The following ATF7IP2 variants were observed in gnomAD, a reference collection of about 807,000 sequenced individuals.
ATF7IP2 encodes activating transcription factor 7-interacting protein 2.
In ATF7IP2, 42 loss-of-function variants were observed where a neutral mutation model predicts 64.2. The observed-to-expected ratio is 0.65, with a 90% CI of 0.51 to 0.85. The LOEUF (loss-of-function observed/expected upper bound fraction) is 0.85, where lower values mean the gene tolerates loss of function less well. Ranked by LOEUF, ATF7IP2 falls within the 40% of genes least tolerant of loss-of-function variation. The probability of loss-of-function intolerance (pLI) is 0.00; values close to 1 mark genes in which losing one functional copy is unlikely to be tolerated. For synonymous variants in ATF7IP2, 308 were observed against 272.8 expected (o/e 1.13, Z -1.27); for missense variants, 933 against 784.2 (o/e 1.19, Z -2.27).
chr16:10,400,903 C>T (rs1387614240), intron 1 of ATF7IP2, among the ~76,000 whole-genome samples: 4 of 152,034 alleles, frequency 2.6e-5, no homozygotes, highest in African/African-American at 9.7e-5. Context: ...AGGCTGGTCT[C>T]GAACTCTTAA....
At chr16:10,475,562 G>A (rs1185773791) in intron 12 of ATF7IP2, among the ~76,000 whole-genome samples, 8 of 151,144 alleles carry the variant, frequency 5.3e-5, no homozygotes, top group African/African-American at 9.7e-5. Flanking sequence ...GTGTGGTGGC[G>A]GGCACCTGTA....
At chr16:10,401,879 T>C (rs962651996) in intron 1 of ATF7IP2, among the ~76,000 whole-genome samples, 2 of 152,038 alleles carry the variant, frequency 1.3e-5, no homozygotes, top group Non-Finnish European at 1.5e-5. Flanking sequence ...TCCCATAGGG[T>C]TTCCTGTTTG....
intron 1 of ATF7IP2, among the ~76,000 whole-genome samples, chr16:10,401,292 C>G (rs565011508): frequency 2.0e-5 from 3 of 151,918 alleles, no homozygotes; most frequent in Admixed American, 6.6e-5. Flanking sequence ...CCCAGCATCC[C>G]GAGTACCTGG....
At chr16:10,431,990 A>ATTTT (rs34029007) in intron 5 of ATF7IP2, among the ~76,000 whole-genome samples, 1 of 111,604 alleles carries the variant, frequency 9.0e-6, no homozygotes, top group African/African-American at 3.6e-5. Flanking sequence ...CGCCCGGCTA[A>ATTTT]TTTTTTTTTT....
At chr16:10,422,899 C>T (rs1205976129) in intron 3 of ATF7IP2, among the ~76,000 whole-genome samples, 1 of 152,186 alleles carries the variant, frequency 6.6e-6, no homozygotes, top group Non-Finnish European at 1.5e-5. Flanking sequence ...ATTTGAATTT[C>T]CCCATTGTAA....
In ATF7IP2 at chr16:10,430,707, G is replaced by A. The variant is rs138453051; in HGVS notation, c.87G>A (p.Leu29=). The A allele has an allele frequency of 1.5e-4, 248 of 1,614,130 alleles. 2 individuals carry two copies. The African/African-American group carries it at 2.9e-3, about 19-fold the overall frequency. ...GTTGCCGGAAGCAAGTAGAGATGCTGAATAAGTCAAGGAATGTTGAAGCGC... is the reference window on the plus strand; with the variant it reads ...GTTGCCGGAAGCAAGTAGAGATGCTAAATAAGTCAAGGAATGTTGAAGCGC... ...PLSCRKQVEM[L]NKSRNVEALK... Residue 29 remains leucine (L), a synonymous_variant, in exon 5 of 14, where the codon CTG becomes CTA. Coordinates refer to ENST00000562102, the MANE Select transcript of ATF7IP2 (RefSeq NM_001393719.1).
intron 12 of ATF7IP2, among the ~76,000 whole-genome samples, chr16:10,477,806 C>G (rs957524738): frequency 1.3e-5 from 2 of 152,178 alleles, no homozygotes; most frequent in African/African-American, 2.4e-5. Flanking sequence ...TCAGCAAAGT[C>G]TCAGGATACA....
At chr16:10,413,238 G>A (rs1173079029) in intron 1 of ATF7IP2, among the ~76,000 whole-genome samples, 1 of 152,100 alleles carries the variant, frequency 6.6e-6, no homozygotes, top group Non-Finnish European at 1.5e-5. Flanking sequence ...TCTATGTGTT[G>A]TGGGAGGGAC....
In ATF7IP2 at chr16:10,464,878, G is replaced by A. The variant is rs188378120; in HGVS notation, c.1353-7232G>A. Among the ~76,000 whole-genome samples the A allele has an allele frequency of 5.6e-4, 86 of 152,338 alleles. 1 individual carries two copies. In the East Asian group the frequency reaches 0.015, roughly 27 times the overall value. ...GAGTTTCGCTCTTGTTATCCAGGCT[G>A]GAGTGCAACGGCACGATCTCAGCTC... On this transcript the variant is annotated intron_variant, in intron 9 of 13. Transcript: ENST00000562102.
intron 3 of ATF7IP2, among the ~76,000 whole-genome samples, chr16:10,425,051 C>G (rs1170111123): frequency 6.7e-6 from 1 of 148,398 alleles, no homozygotes; most frequent in Non-Finnish European, 1.5e-5. Context: ...ATGTTTATAT[C>G]AGATTTTTTT....
chr16:10,433,377 G>A, intron 5 of ATF7IP2, 148 bp from the exon 6 acceptor site: 1 of 607,742 alleles, frequency 1.6e-6, no homozygotes, highest in Admixed American at 3.2e-5. Flanking sequence ...TTTTCACTAT[G>A]TTGCCCAGGC....
intron 11 of ATF7IP2, 102 bp from the exon 12 acceptor site, chr16:10,473,821 G>A (rs1567176602): frequency 2.7e-6 from 2 of 746,732 alleles, no homozygotes; most frequent in Admixed American, 3.0e-5. Flanking sequence ...TCCGAATGGT[G>A]ATTTAAAATT....
intron 8 of ATF7IP2, among the ~76,000 whole-genome samples, chr16:10,450,284 A>G (rs947473579): frequency 1.3e-5 from 2 of 152,162 alleles, no homozygotes; most frequent in Non-Finnish European, 2.9e-5. Flanking sequence ...AGAAGAATGT[A>G]TATTCTATTG....
At position 10,483,618 on chromosome 16, in the gene ATF7IP2, A is replaced by G. The variant is rs914810997; in HGVS notation, c.*1369A>G. The G allele has an allele frequency of 1.3e-5, 2 of 152,186 alleles. No individual in the cohort carries two copies. Among genetic ancestry groups the G allele is most frequent in the African/African-American group, 4.8e-5 (2 of 41,446 alleles). The allele number at this position is 152,186 out of a possible 1,614,324, so 9.4% of individuals were successfully genotyped here. On this transcript the variant is annotated 3_prime_UTR_variant, in exon 14 of 14. Transcript: ENST00000562102. ...TGTAAATGCTCTCACATCTGTAGCAATAAAGCTGTTATTTTCTGCAGTGTT... is the reference window on the plus strand; with the variant it reads ...TGTAAATGCTCTCACATCTGTAGCAGTAAAGCTGTTATTTTCTGCAGTGTT...
In ATF7IP2 at chr16:10,440,420, T is replaced by C; in HGVS notation, c.1152T>C (p.Asn384=). Residue 384 remains asparagine (N), a synonymous_variant, in exon 8 of 14, where the codon AAT becomes AAC. Coordinates refer to ENST00000562102, the MANE Select transcript of ATF7IP2 (RefSeq NM_001393719.1). ...AAACAGTATTATTATTTCAAAGGAA[T>C]TGTTTGAAACCAAACATGTTATCCA... is the stretch of plus-strand genomic sequence containing the variant. ...RIKTVLLFQR[N]CLKPNMLSSN... The C allele has an allele frequency of 6.4e-7, 1 of 1,569,126 alleles. No individual in the cohort carries two copies.
rs538794522 is a variant in ATF7IP2 at position 10,413,684 on chromosome 16, C to T, written c.-241-890C>T. ...TTTGATGTGTTTCCGAGATTTGTTT[C>T]AAGATTTAGAGCTCCTTATAGCAGT... is the stretch of plus-strand genomic sequence containing the variant. On this transcript the variant is annotated intron_variant, in intron 1 of 13. Coordinates refer to ENST00000562102, the MANE Select transcript of ATF7IP2 (RefSeq NM_001393719.1). Among the ~76,000 whole-genome samples, 8 of 152,208 alleles carry T rather than the reference C, an allele frequency of 5.3e-5. No homozygotes were observed. In the East Asian group the frequency reaches 1.5e-3, roughly 29 times the overall value.
At position 10,482,140 on chromosome 16, in the gene ATF7IP2, T is replaced by G. The variant is rs1016896719; in HGVS notation, c.1940T>G (p.Leu647Ter). ...ATGGCCTGTACTTTATCTCAGTTTTTAGCTTCCAACAGATACTATTTTACT... is the reference window on the plus strand; with the variant it reads ...ATGGCCTGTACTTTATCTCAGTTTTGAGCTTCCAACAGATACTATTTTACT... Reference protein sequence around the residue: ...LPMACTLSQFLASNRYYFTVQ... With the variant: ...LPMACTLSQF Residue 647 changes from leucine (L) to a stop codon, truncating the protein, a stop_gained, in exon 14 of 14, where the codon TTA becomes TGA. Coordinates refer to ENST00000562102, the MANE Select transcript of ATF7IP2 (RefSeq NM_001393719.1). LOFTEE classifies it high-confidence loss of function. 4 of 1,613,966 alleles carry G rather than the reference T, an allele frequency of 2.5e-6. No individual in the cohort carries two copies. The highest frequency in any genetic ancestry group is 3.4e-6 in the Non-Finnish European group (4 of 1,179,804).
At chr16:10,478,475 C>A (rs1484710107) in intron 12 of ATF7IP2, among the ~76,000 whole-genome samples, 1 of 152,164 alleles carries the variant, frequency 6.6e-6, no homozygotes, top group Admixed American at 6.5e-5. Context: ...AACTGGATCC[C>A]TTCCTTACAC....
At chr16:10,462,214 C>T (rs1286163004) in intron 9 of ATF7IP2, among the ~76,000 whole-genome samples, 6 of 151,956 alleles carry the variant, frequency 3.9e-5, no homozygotes, top group Non-Finnish European at 8.8e-5. Flanking sequence ...TTGTGCGTTT[C>T]GATTTTACAT....
Sources: allele counts gnomAD v4.1 joint callset (sites outside exome capture counted in the v4.1 genomes callset), GRCh38; gene constraint gnomAD v4.1.1; transcripts MANE v1.5; gene names NCBI Gene and HGNC (gene_info 2026-07-23, HGNC 2026-07-21).